The following DYNC2I2 variants were observed in gnomAD, a reference collection of about 807,000 sequenced individuals.
DYNC2I2 encodes cytoplasmic dynein 2 intermediate chain 2.
In DYNC2I2, 39 loss-of-function variants were observed where a neutral mutation model predicts 52.0. The ratio of observed to expected loss-of-function variants is 0.75; its 90% CI spans 0.58 to 0.98. DYNC2I2 has a LOEUF of 0.98. DYNC2I2 is among the 50% of genes least tolerant of loss of function. DYNC2I2 has a pLI of 0.00. For missense variants in DYNC2I2, 743 were observed against 728.4 expected (o/e 1.02, Z -0.23); for synonymous variants, 359 against 321.1 (o/e 1.12, Z -1.26).
chr9:128,676,550 GA>G, the DYNC2I2 span, among the ~76,000 whole-genome samples: 11 of 110,246 alleles, frequency 1.0e-4, no homozygotes, highest in East Asian at 2.9e-3. Context: ...TTTTTTTTTT[GA>G]GGCGGAGTCT....
At position 128,640,698 on chromosome 9, in the gene DYNC2I2, T is replaced by G. The variant is rs572436409; in HGVS notation, c.428A>C (p.Gln143Pro). ...CACCAGCCCATCCCCTACCATCTGC[T>G]GCTGCTCGGTCCAGTTCACCTCGAA... Reference protein sequence around the residue: ...DGFEVNWTEQQQMVSCLYTLG... With the variant: ...DGFEVNWTEQPQMVSCLYTLG... The change falls in exon 2 of 9, where the codon CAG becomes CCG. Residue 143 changes from glutamine to proline, a missense_variant. Physicochemically the swap from Gln to Pro is moderately conservative, Grantham distance 76. Coordinates refer to ENST00000372715, the MANE Select transcript of DYNC2I2 (RefSeq NM_052844.4). 15 of 1,613,888 alleles carry G rather than the reference T, an allele frequency of 9.3e-6. No individual in the cohort carries two copies. In the East Asian group the frequency reaches 2.9e-4, roughly 31 times the overall value.
chr9:128,684,123 T>A, the DYNC2I2 span: 1 of 785,176 alleles, frequency 1.3e-6, no homozygotes. Flanking sequence ...CCAAAGGGTT[T>A]TAAACCTGGG....
the DYNC2I2 span, among the ~76,000 whole-genome samples, chr9:128,680,339 G>T: frequency 6.6e-6 from 1 of 151,534 alleles, no homozygotes; most frequent in African/African-American, 2.4e-5. Flanking sequence ...GGGATTACAG[G>T]CATGAGCCAC....
chr9:128,640,947 G>A lies in DYNC2I2; in HGVS notation c.187-8C>T, dbSNP rs1280205025. 4 of 1,575,888 alleles carry A rather than the reference G, an allele frequency of 2.5e-6. No homozygotes were observed. The highest frequency in any genetic ancestry group is 2.2e-5 in the East Asian group (1 of 44,528). On this transcript the variant is annotated splice_region_variant and splice_polypyrimidine_tract_variant and intron_variant, in intron 1 of 8. Transcript: ENST00000372715. ...GGCCGTCTGGCAACTTTTCTGGGGG[G>A]AGGGTGAAAACAAGTGTCACCACCC...
the DYNC2I2 span, chr9:128,683,550 G>A: frequency 3.0e-5 from 8 of 264,576 alleles, no homozygotes; most frequent in East Asian, 5.7e-5. Flanking sequence ...GTTTGGGAAC[G>A]AACTGGGGGA....
chr9:128,633,992 G>C lies in DYNC2I2; in HGVS notation c.1373-10C>G. On this transcript the variant is annotated splice_polypyrimidine_tract_variant and intron_variant, in intron 8 of 8. Transcript: ENST00000372715. The stretch of plus-strand genomic sequence containing the variant: ...AACAGCTGCACGTCACCTGCAAAGA[G>C]AGACAGATACGTGGAGTAAGAGAAA... 1.9e-6 allele frequency: 3 copies of C among 1,612,890 alleles called. No individual in the cohort carries two copies. Among genetic ancestry groups the C allele is most frequent in the Non-Finnish European group, 2.5e-6 (3 of 1,179,924 alleles).
chr9:128,641,241 C>A (rs1451953489), intron 1 of DYNC2I2, among the ~76,000 whole-genome samples: 1 of 152,068 alleles, frequency 6.6e-6, no homozygotes, highest in South Asian at 2.1e-4. Flanking sequence ...TGCAACAATT[C>A]GGAGGAGTCA....
intron 1 of DYNC2I2, among the ~76,000 whole-genome samples, chr9:128,641,335 C>T (rs1227847779): frequency 2.0e-5 from 3 of 152,092 alleles, no homozygotes; most frequent in Non-Finnish European, 4.4e-5. Context: ...TGGTCTGATG[C>T]CCATGAACAC....
chr9:128,653,967 C>T (rs567982460), intron 1 of DYNC2I2, among the ~76,000 whole-genome samples: 115 of 152,248 alleles, frequency 7.6e-4, no homozygotes, highest in Non-Finnish European at 1.3e-3. Flanking sequence ...GCCGAGATTG[C>T]GCCACTGCAC....
intron 1 of DYNC2I2, among the ~76,000 whole-genome samples, chr9:128,647,999 A>T (rs756467699): frequency 2.0e-5 from 3 of 152,076 alleles, no homozygotes; most frequent in Non-Finnish European, 4.4e-5. Flanking sequence ...GAGGCCCAGA[A>T]AGGTGAGGAG....
At chr9:128,636,208 C>T in intron 4 of DYNC2I2, 73 bp downstream of exon 4, 2 of 1,546,480 alleles carry the variant, frequency 1.3e-6, no homozygotes, top group Non-Finnish European at 1.7e-6. Flanking sequence ...CCATGGAAAG[C>T]TCCCTTGTGC....
chr9:128,666,249 G>GCA, the DYNC2I2 span, among the ~76,000 whole-genome samples: 1 of 151,418 alleles, frequency 6.6e-6, no homozygotes. Context: ...GGGCATGGTG[G>GCA]TGGGCGCCTG....
Position 128,653,550 on chromosome 9 carries a change from T to TAA in DYNC2I2, c.186+2989_186+2990dup, listed in dbSNP as rs111614767. 1.5e-3 allele frequency among the ~76,000 whole-genome samples: 193 copies of TAA among 128,228 alleles called. 7 individuals are homozygous for TAA. Among genetic ancestry groups the TAA allele is most frequent in the African/African-American group, 5.4e-3 (181 of 33,628 alleles). The allele number at this position is 128,228 out of a possible 152,430, so 84.1% of individuals were successfully genotyped here. Reference sequence around the variant, plus strand: ...TAACACAGAGAAACCCCACCTCTACTAAAAAAAAAAAAAAAATTAGCCAGG... The same window carrying TAA: ...TAACACAGAGAAACCCCACCTCTACTAAAAAAAAAAAAAAAAAATTAGCCAGG... On this transcript the variant is annotated intron_variant, in intron 1 of 8. Coordinates refer to ENST00000372715, the MANE Select transcript of DYNC2I2 (RefSeq NM_052844.4).
chr9:128,642,537 G>A lies in DYNC2I2; in HGVS notation c.187-1598C>T, dbSNP rs182333021. ...TGTAATCCCAGCACTTTGGGAGGCC[G>A]AGGCGGGCGGATCACAAGGTCAGGA... On this transcript the variant is annotated intron_variant, in intron 1 of 8. Coordinates refer to ENST00000372715, the MANE Select transcript of DYNC2I2 (RefSeq NM_052844.4). Among the ~76,000 whole-genome samples the A allele has an allele frequency of 7.5e-3, 1,133 of 151,722 alleles. 7 individuals are homozygous for A. The highest frequency in any genetic ancestry group is 0.021 in the Middle Eastern group (6 of 292).
intron 1 of DYNC2I2, among the ~76,000 whole-genome samples, chr9:128,646,895 G>A (rs1001316910): frequency 4.6e-5 from 7 of 152,206 alleles, no homozygotes; most frequent in Non-Finnish European, 8.8e-5. Flanking sequence ...GGGAGGCCAA[G>A]GAAGGTGGAT....
Position 128,635,726 on chromosome 9 carries a change from G to T in DYNC2I2, c.745C>A (p.Arg249Ser). ...CGCCACAGCAGCGGGTCCTCAAGAC[G>T]GCTCAGGTCCCACACCAACACCTCA... Reference protein sequence around the residue: ...SGEVLVWDLSRLEDPLLWRTG... With the variant: ...SGEVLVWDLSSLEDPLLWRTG... Residue 249 changes from arginine (R) to serine (S), a missense_variant, in exon 5 of 9, where the codon CGT becomes AGT. Coordinates refer to ENST00000372715, the MANE Select transcript of DYNC2I2 (RefSeq NM_052844.4). 6.2e-7 allele frequency: 1 copy of T among 1,613,120 alleles called. No homozygotes were observed. The highest frequency in any genetic ancestry group is 2.2e-5 in the East Asian group (1 of 44,862).
chr9:128,674,770 G>A, the DYNC2I2 span, among the ~76,000 whole-genome samples: 1 of 152,112 alleles, frequency 6.6e-6, no homozygotes, highest in South Asian at 2.1e-4. Flanking sequence ...TCTAGACATG[G>A]AGTTTAGCCA....
chr9:128,673,430 C>T, the DYNC2I2 span, among the ~76,000 whole-genome samples: 1 of 11,394 alleles, frequency 8.8e-5, no homozygotes, highest in African/African-American at 1.2e-4. Context: ...CAACTTCTGC[C>T]TCCAGGGCTC....
intron 1 of DYNC2I2, among the ~76,000 whole-genome samples, chr9:128,655,486 G>A (rs1015720182): frequency 1.4e-5 from 2 of 145,108 alleles, no homozygotes; most frequent in African/African-American, 2.5e-5. Flanking sequence ...ACTCCAGCCC[G>A]GGCGACAGAG....
Sources: gnomAD v4.1 joint callset for allele counts (sites outside exome capture counted in the v4.1 genomes callset) on GRCh38, gnomAD v4.1.1 for gene constraint, MANE v1.5 for transcripts, NCBI Gene and HGNC (gene_info 2026-07-23, HGNC 2026-07-21) for gene names.